Variants in ANKS1A observed in about 807,000 individuals in gnomAD.
ANKS1A encodes the protein ankyrin repeat and SAM domain-containing protein 1A.
ANKS1A carries 55 observed loss-of-function variants against 120.3 expected under a neutral mutation model. The ratio of observed to expected loss-of-function variants is 0.46; its 90% CI spans 0.37 to 0.57. The LOEUF (loss-of-function observed/expected upper bound fraction) is 0.57, where lower values mean the gene tolerates loss of function less well. Ranked by LOEUF, ANKS1A falls within the 20% of genes least tolerant of loss-of-function variation. The pLI, the probability that ANKS1A is intolerant of heterozygous loss-of-function variation, is 0.00. For synonymous variants in ANKS1A, 590 were observed against 604.7 expected, an observed-to-expected ratio of 0.98 and a Z score of 0.36; for missense variants, 1,123 against 1,480.3, an observed-to-expected ratio of 0.76 and a Z score of 3.96.
At chr6:35,051,394 C>T (rs1400504891) in intron 11 of ANKS1A, among the ~76,000 whole-genome samples, 1 of 152,134 alleles carries the variant, frequency 6.6e-6, no homozygotes, top group African/African-American at 2.4e-5. Flanking sequence ...TTGGACAGGC[C>T]AGCTGGGGCT....
At chr6:34,995,408 G>A (rs1285502371) in intron 10 of ANKS1A, among the ~76,000 whole-genome samples, 1 of 151,498 alleles carries the variant, frequency 6.6e-6, no homozygotes, top group African/African-American at 2.4e-5. Flanking sequence ...GTTTCCATTC[G>A]GAGCTTTTTA....
chr6:34,991,745 T>C (rs1198741664), intron 9 of ANKS1A, among the ~76,000 whole-genome samples: 1 of 26,984 alleles, frequency 3.7e-5, no homozygotes, highest in Admixed American at 4.4e-4. Flanking sequence ...TATATATACA[T>C]ATATACACAC....
At chr6:34,973,701 C>G (rs1196979331) in intron 3 of ANKS1A, among the ~76,000 whole-genome samples, 1 of 152,164 alleles carries the variant, frequency 6.6e-6, no homozygotes, top group Non-Finnish European at 1.5e-5. Context: ...AAAGGAAGCC[C>G]CCTATGGGCT....
intron 16 of ANKS1A, among the ~76,000 whole-genome samples, chr6:35,080,387 C>T (rs893432580): frequency 2.0e-5 from 3 of 152,234 alleles, no homozygotes; most frequent in African/African-American, 7.2e-5. Flanking sequence ...GGGTTAGACT[C>T]AGAGCCTGCA....
intron 3 of ANKS1A, chr6:34,972,449 T>C (rs559485351): frequency 1.0e-5 from 2 of 199,806 alleles, no homozygotes; most frequent in African/African-American, 4.7e-5. Context: ...GTCTTTCTTA[T>C]TAACTTCCCT....
chr6:34,922,694 CTT>C (rs61568974), intron 1 of ANKS1A, among the ~76,000 whole-genome samples: 16 of 127,810 alleles, frequency 1.3e-4, no homozygotes, highest in Admixed American at 3.3e-4. Context: ...CTGGGCATTT[CTT>C]TTTTTTTTTT....
At chr6:35,039,655 C>G (rs1217222332) in intron 11 of ANKS1A, 26 of 456,526 alleles carry the variant, frequency 5.7e-5, no homozygotes, top group South Asian at 4.0e-4. Context: ...GCACAGTGCT[C>G]TGCACAGAAG....
At chr6:34,973,237 A>AT (rs1771274774) in intron 3 of ANKS1A, among the ~76,000 whole-genome samples, 1 of 152,144 alleles carries the variant, frequency 6.6e-6, no homozygotes. Flanking sequence ...CCACGACCCA[A>AT]TATCTCCAGC....
intron 20 of ANKS1A, 63 bp downstream of exon 20, chr6:35,083,566 C>T (rs998708663): frequency 7.2e-6 from 11 of 1,538,100 alleles, no homozygotes; most frequent in Admixed American, 3.3e-5. Flanking sequence ...ACCCACAGGG[C>T]TCCAGGGCAA....
intron 11 of ANKS1A, among the ~76,000 whole-genome samples, chr6:35,036,086 T>C (rs1775154398): frequency 6.6e-6 from 1 of 152,258 alleles, no homozygotes; most frequent in Non-Finnish European, 1.5e-5. Context: ...GTACCAATTA[T>C]GAACATGGAT....
intron 13 of ANKS1A, among the ~76,000 whole-genome samples, chr6:35,061,089 G>T (rs80265089): frequency 2.0e-5 from 3 of 152,212 alleles, no homozygotes; most frequent in Non-Finnish European, 2.9e-5. Context: ...AGTGGTTTGC[G>T]TGAATTAGCT....
At chr6:34,988,412 T>C (rs1026809856) in intron 8 of ANKS1A, among the ~76,000 whole-genome samples, 11 of 152,092 alleles carry the variant, frequency 7.2e-5, no homozygotes, top group Non-Finnish European at 1.3e-4. Context: ...CTGGGTAACA[T>C]GGTGAAACCC....
At chr6:34,919,597 G>T (rs1768335850) in intron 1 of ANKS1A, among the ~76,000 whole-genome samples, 1 of 152,122 alleles carries the variant, frequency 6.6e-6, no homozygotes, top group Non-Finnish European at 1.5e-5. Flanking sequence ...GCAGTTGGTG[G>T]TGGTGAAGTG....
chr6:34,910,930 A>G (rs1399428743), intron 1 of ANKS1A, among the ~76,000 whole-genome samples: 1 of 152,148 alleles, frequency 6.6e-6, no homozygotes, highest in African/African-American at 2.4e-5. Context: ...ATATTACAAC[A>G]TAAAATGGGA....
At chr6:34,926,550 G>T (rs186238533) in intron 1 of ANKS1A, among the ~76,000 whole-genome samples, 48 of 152,298 alleles carry the variant, frequency 3.2e-4, no homozygotes, top group African/African-American at 1.1e-3. Context: ...TGACCCCTGG[G>T]CTGTGGACTT....
Position 34,889,266 on chromosome 6 carries a change from C to G in ANKS1A, c.-137C>G. 1 of 1,161,188 alleles carries G rather than the reference C, an allele frequency of 8.6e-7. No individual in the cohort carries two copies. Among genetic ancestry groups the G allele is most frequent in the Non-Finnish European group, 1.1e-6 (1 of 927,812 alleles). 71.9% of individuals were successfully genotyped at this position (1,161,188 alleles called of 1,614,324 possible). A position where few individuals can be genotyped will look rare whatever the true frequency, so the allele number is the denominator to read the frequency against. ...CGCCGGATCCCGGAAGTGACGCGCTCGTGGGGAAAAGGCAGGGAGGGGGTG... is the reference window on the plus strand; with the variant it reads ...CGCCGGATCCCGGAAGTGACGCGCTGGTGGGGAAAAGGCAGGGAGGGGGTG... On this transcript the variant is annotated 5_prime_UTR_variant, in exon 1 of 24. Transcript: ENST00000360359. This position sits in a 1 kb window ranked among gnomAD's most constrained non-coding sequence, Gnocchi z 5.5.
At chr6:35,051,161 TCCAG>T (rs1484178371) in intron 11 of ANKS1A, among the ~76,000 whole-genome samples, 1 of 151,590 alleles carries the variant, frequency 6.6e-6, no homozygotes, top group Non-Finnish European at 1.5e-5. Context: ...GCCACTGCAC[TCCAG>T]CCTGGGTGAC....
chr6:35,088,268 G>A (rs528743473), intron 23 of ANKS1A, among the ~76,000 whole-genome samples: 2 of 152,238 alleles, frequency 1.3e-5, no homozygotes, highest in Non-Finnish European at 2.9e-5. Flanking sequence ...AAATCAGTTT[G>A]GATGGCAGGA....
At chr6:35,025,878 C>T (rs1181937858) in intron 11 of ANKS1A, among the ~76,000 whole-genome samples, 1 of 152,140 alleles carries the variant, frequency 6.6e-6, no homozygotes, top group Non-Finnish European at 1.5e-5. Flanking sequence ...CCACCACACC[C>T]ACCGCCAGCC....
Sources: gnomAD v4.1 joint callset for allele counts (sites outside exome capture counted in the v4.1 genomes callset) on GRCh38, gnomAD v4.1.1 for gene constraint, Gnocchi (gnomAD v3.1) non-coding constraint, MANE v1.5 for transcripts, NCBI Gene and HGNC (gene_info 2026-07-23, HGNC 2026-07-21) for gene names.